THBS3: variants seen among roughly 807,000 people sequenced by gnomAD.
The protein encoded by THBS3 is thrombospondin-3.
THBS3 carries 78 observed loss-of-function variants against 118.3 expected under a neutral mutation model. The observed-to-expected ratio is 0.66, with a 90% CI of 0.55 to 0.80. The LOEUF is 0.80. Ranked by LOEUF, THBS3 falls within the 30% of genes least tolerant of loss-of-function variation. The pLI is 0.00. For missense variants in THBS3, 1,057 were observed against 1,247.4 expected, an observed-to-expected ratio of 0.85 and a Z score of 2.30; for synonymous variants, 427 against 475.3, an observed-to-expected ratio of 0.90 and a Z score of 1.32.
chr1:155,201,249 C>A (rs773121795), intron 11 of THBS3, 45 bp from the exon 12 acceptor site: 1 of 1,610,932 alleles, frequency 6.2e-7, no homozygotes, highest in Non-Finnish European at 8.5e-7. Context: ...GGTCTGGCTC[C>A]CCTCCTCCCT....
At chr1:155,208,711 G>C, upstream of THBS3, 215 of 618,680 alleles carry the variant, frequency 3.5e-4, no homozygotes, top group South Asian at 5.7e-4. Context: ...GCCCCAGCCC[G>C]GCCTCCGCTC....
Position 155,197,655 on chromosome 1 carries a change from GTATCC to G in THBS3, c.2303-1_2306del. ...CAAAGTCCACACCATTGAAGGCCGT[GTATCC>G]TGGGGTGGGGGTGGGATAAAGGTCA... is the stretch of plus-strand genomic sequence containing the variant. On this transcript the variant is annotated splice_acceptor_variant and coding_sequence_variant, in exon 20 of 23. Coordinates refer to ENST00000368378, the MANE Select transcript of THBS3 (RefSeq NM_007112.5). LOFTEE classifies it high-confidence loss of function. The surrounding 1 kb of genome is among the most constrained non-coding windows in gnomAD (Gnocchi z 5.0). 2 of 740,996 alleles carry G rather than the reference GTATCC, an allele frequency of 2.7e-6. No homozygotes were observed. The highest frequency in any genetic ancestry group is 4.7e-6 in the Non-Finnish European group (2 of 429,334). 45.9% of individuals were successfully genotyped at this position (740,996 alleles called of 1,614,324 possible).
rs1670491559 is a variant in THBS3 at position 155,206,002 on chromosome 1, C to G, written c.286+198G>C. On this transcript the variant is annotated intron_variant, in intron 2 of 22. Coordinates refer to ENST00000368378, the MANE Select transcript of THBS3 (RefSeq NM_007112.5). The surrounding 1 kb of genome is among the most constrained non-coding windows in gnomAD (Gnocchi z 4.2). ...TATAAATATCAGGACTCAAGCCTCACCCTATTGTTTGGTACATGGGCTCCT... is the reference window on the plus strand; with the variant it reads ...TATAAATATCAGGACTCAAGCCTCAGCCTATTGTTTGGTACATGGGCTCCT... Among the ~76,000 whole-genome samples the G allele has an allele frequency of 6.6e-6, 1 of 152,210 alleles. No individual in the cohort carries two copies.
rs751420787 is a variant in THBS3 at position 155,205,152 on chromosome 1, G to C, written c.451C>G (p.His151Asp). The C allele has an allele frequency of 5.6e-6, 9 of 1,614,104 alleles. No homozygotes were observed. The highest frequency in any genetic ancestry group is 4.0e-5 in the African/African-American group (3 of 74,946). ...GGGGCCAGTGCTGGAAGGCCTGCAT[G>C]TTGGTCACCCAGTTTGCAGTCCACG... ...LYVDCKLGDQ[H>D]AGLPALAPIP... is the part of the protein sequence containing the mutation. The change falls in exon 3 of 23, where the codon CAT (histidine) becomes GAT (aspartate). Residue 151 changes from histidine to aspartate, a missense_variant. By Grantham distance (81) the His-to-Asp change is moderately conservative. Transcript: ENST00000368378.
intron 4 of THBS3, 72 bp from the exon 5 acceptor site, chr1:155,203,611 G>A (rs2147998745): frequency 6.3e-7 from 1 of 1,577,426 alleles, no homozygotes; most frequent in East Asian, 2.2e-5. Flanking sequence ...TGAGAAGGAG[G>A]AAGGAAGGTG....
At chr1:155,196,852 C>T (rs772253335) in intron 21 of THBS3, 189 bp downstream of exon 21, 58 of 608,140 alleles carry the variant, frequency 9.5e-5, no homozygotes, top group South Asian at 4.2e-4. Flanking sequence ...ATTTTACAGA[C>T]GGGAAAATGG....
upstream of THBS3, among the ~76,000 whole-genome samples, chr1:155,208,169 C>T (rs16836684): frequency 1.4e-4 from 22 of 152,222 alleles, no homozygotes; most frequent in East Asian, 3.7e-3. Context: ...TCTCGGCACA[C>T]AGCGCTACCG....
In THBS3 at chr1:155,201,233, C is replaced by A. The variant is rs1300531424; in HGVS notation, c.1330-29G>T. The A allele has an allele frequency of 5.0e-6, 8 of 1,612,790 alleles. 1 individual carries two copies. On this transcript the variant is annotated intron_variant, in intron 11 of 22. Transcript: ENST00000368378. ...GGGCAACACAAAGGGTAGGAGCTAGCAGTTTGGTCTGGCTCCCCTCCTCCC... is the reference window on the plus strand; with the variant it reads ...GGGCAACACAAAGGGTAGGAGCTAGAAGTTTGGTCTGGCTCCCCTCCTCCC...
At position 155,206,185 on chromosome 1, in the gene THBS3, A is replaced by ATATC; in HGVS notation, c.286+14_286+15insGATA. On this transcript the variant is annotated intron_variant, in intron 2 of 22. Transcript: ENST00000368378. This position sits in a 1 kb window ranked among gnomAD's most constrained non-coding sequence, Gnocchi z 4.2. ...GGAGGTCACCATTGCAAGAAAGGAG[A>ATATC]TGCCCACCAGTCACCTTTGTTGATC... The ATATC allele has an allele frequency of 6.2e-7, 1 of 1,613,076 alleles. No individual in the cohort carries two copies. The highest frequency in any genetic ancestry group is 1.3e-5 in the African/African-American group (1 of 75,024).
chr1:155,209,067 C>G (rs1670942273), upstream of THBS3: 1 of 1,538,954 alleles, frequency 6.5e-7, no homozygotes, highest in Non-Finnish European at 8.8e-7. Context: ...CCGCCCTCCC[C>G]CGAGGCCCGC....
rs1319031203 is a variant in THBS3, at chr1:155,204,935, A to T, written c.566T>A (p.Ile189Asn). The T allele has an allele frequency of 6.2e-7, 1 of 1,613,914 alleles. No homozygotes were observed. Among genetic ancestry groups the T allele is most frequent in the Non-Finnish European group, 8.5e-7 (1 of 1,180,022 alleles). ...RMQGFVESMK[I>N]ILGGSMARVG... ...CCGGGCCATGGACCCACCCAGAATAATTTTCATAGATTCCACAAAGCCCTG... is the reference window on the plus strand; with the variant it reads ...CCGGGCCATGGACCCACCCAGAATATTTTTCATAGATTCCACAAAGCCCTG... Residue 189 changes from isoleucine (I) to asparagine (N), a missense_variant, in exon 4 of 23, where the codon ATT becomes AAT. By Grantham distance (149) the Ile-to-Asn change is moderately radical. Around this residue, in one of 3 missense-constraint regions of THBS3, gnomAD observed 544 missense variants for 715.6 expected, o/e 0.76. Transcript: ENST00000368378.
rs1670614772 is a variant in THBS3 at position 155,206,820 on chromosome 1, C to T, written c.80-414G>A. Reference sequence around the variant, plus strand: ...TCGCGCCATTGCACTCCAGCCTGGGCAACAAGAGTGAAACTCCATCTCAAA... The same window carrying T: ...TCGCGCCATTGCACTCCAGCCTGGGTAACAAGAGTGAAACTCCATCTCAAA... On this transcript the variant is annotated intron_variant, in intron 1 of 22. Coordinates refer to ENST00000368378, the MANE Select transcript of THBS3 (RefSeq NM_007112.5). This position sits in a 1 kb window ranked among gnomAD's most constrained non-coding sequence, Gnocchi z 4.2. Among the ~76,000 whole-genome samples the T allele has an allele frequency of 6.6e-6, 1 of 151,980 alleles. No homozygotes were observed. Among genetic ancestry groups the T allele is most frequent in the Admixed American group, 6.6e-5 (1 of 15,246 alleles).
chr1:155,202,970 G>A lies in THBS3; in HGVS notation c.809-10C>T, dbSNP rs1160726876. 1 of 1,613,868 alleles carries A rather than the reference G, an allele frequency of 6.2e-7. No individual in the cohort carries two copies. The highest frequency in any genetic ancestry group is 8.5e-7 in the Non-Finnish European group (1 of 1,179,962). On this transcript the variant is annotated splice_polypyrimidine_tract_variant and intron_variant, in intron 7 of 22. Transcript: ENST00000368378. The surrounding 1 kb of genome is among the most constrained non-coding windows in gnomAD (Gnocchi z 5.5). ...CGCTGCTCATGGAAGCCTGAGGGGT[G>A]GACACAGTCAGAGCTACCCGGTGGT... is the stretch of plus-strand genomic sequence containing the variant.
Position 155,202,033 on chromosome 1 carries a change from A to C in THBS3, c.1100T>G (p.Val367Gly). 6.2e-7 allele frequency: 1 copy of C among 1,614,102 alleles called. No homozygotes were observed. ...GIDYARASKQ[V>G]CNDIDECNDG... ...GTTGCATTCATCGATGTCATTGCAGACCTGAAGGGGCAGACTTTGGGTGGA... is the reference window on the plus strand; with the variant it reads ...GTTGCATTCATCGATGTCATTGCAGCCCTGAAGGGGCAGACTTTGGGTGGA... Residue 367 changes from valine to glycine, a missense_variant and splice_region_variant, in exon 10 of 23, where the codon GTC (valine) becomes GGC (glycine). By Grantham distance (109) the Val-to-Gly change is moderately radical. Transcript: ENST00000368378. The surrounding 1 kb of genome is among the most constrained non-coding windows in gnomAD (Gnocchi z 5.5).
intron 21 of THBS3, chr1:155,196,368 G>A (rs925033511): frequency 9.0e-6 from 5 of 556,328 alleles, no homozygotes; most frequent in African/African-American, 5.6e-5. Context: ...CATTCCAAGC[G>A]AGGATTGGGT....
chr1:155,204,301 G>A (rs534538971), intron 4 of THBS3, among the ~76,000 whole-genome samples: 7 of 152,240 alleles, frequency 4.6e-5, no homozygotes, highest in African/African-American at 1.7e-4. Flanking sequence ...TAAAAGACTC[G>A]AGACCAGGCC....
chr1:155,196,279 A>T (rs1668652663), intron 21 of THBS3, 153 bp from the exon 22 acceptor site: 1 of 937,076 alleles, frequency 1.1e-6, no homozygotes, highest in East Asian at 2.5e-5. Flanking sequence ...CAGGAAGGAG[A>T]GGGAAGGGGG....
chr1:155,201,456 A>G lies in THBS3; in HGVS notation c.1290T>C (p.Ala430=), dbSNP rs773070380. 1.2e-6 allele frequency: 2 copies of G among 1,613,136 alleles called. No homozygotes were observed. The highest frequency in any genetic ancestry group is 1.1e-5 in the South Asian group (1 of 90,988). Reference sequence around the variant, plus strand: ...CACCATTGCGTTCAAAGAGACAGTGAGCATGGATGTGGCAGGGGCTGTGGG... The same window carrying G: ...CACCATTGCGTTCAAAGAGACAGTGGGCATGGATGTGGCAGGGGCTGTGGG... ...SPAHSPCHIH[A]HCLFERNGAV... is the part of the protein sequence containing the mutation. Residue 430 remains alanine (A), a synonymous_variant, in exon 11 of 23, where the codon GCT becomes GCC. Coordinates refer to ENST00000368378, the MANE Select transcript of THBS3 (RefSeq NM_007112.5).
At chr1:155,204,355 C>T (rs995300981) in intron 4 of THBS3, among the ~76,000 whole-genome samples, 27 of 151,784 alleles carry the variant, frequency 1.8e-4, no homozygotes, top group East Asian at 2.0e-4. Context: ...TTTGAGAGGC[C>T]GAGGTGGGTG....
Sources: gnomAD v4.1 joint callset for allele counts (sites outside exome capture counted in the v4.1 genomes callset) on GRCh38, gnomAD v4.1.1 for gene constraint, gnomAD v4.1.1 regional missense constraint, Gnocchi (gnomAD v3.1) non-coding constraint, MANE v1.5 for transcripts, NCBI Gene and HGNC (gene_info 2026-07-23, HGNC 2026-07-21) for gene names.